The following ADD3 variants were observed in gnomAD, a reference collection of about 807,000 sequenced individuals.
ADD3 encodes adducin 3, also known as gamma-adducin.
ADD3 carries 25 observed loss-of-function variants against 80.2 expected under a neutral mutation model. That is an observed-to-expected ratio of 0.31 (90% confidence interval 0.23 to 0.44). The LOEUF (loss-of-function observed/expected upper bound fraction) is 0.44. Ranked by LOEUF, ADD3 falls within the 20% of genes least tolerant of loss-of-function variation. ADD3 has a pLI of 1.00. For missense variants in ADD3, 829 were observed against 847.5 expected (o/e 0.98, Z 0.27); for synonymous variants, 284 against 289.6 (o/e 0.98, Z 0.20).
intron 1 of ADD3, among the ~76,000 whole-genome samples, chr10:110,010,047 T>A (rs929800721): frequency 7.2e-5 from 11 of 152,230 alleles, no homozygotes; most frequent in African/African-American, 2.4e-4. Flanking sequence ...GTCTCACCCC[T>A]TTCTTCAATA....
intron 1 of ADD3, among the ~76,000 whole-genome samples, chr10:110,091,229 G>A (rs1847462433): frequency 6.6e-6 from 1 of 152,094 alleles, no homozygotes. Flanking sequence ...CTAATGGCTG[G>A]ATATATCTTT....
Position 110,105,818 on chromosome 10 carries a change from A to G in ADD3, c.195+4970A>G, listed in dbSNP as rs1272609735. Reference sequence around the variant, plus strand: ...TTAATTCAAATTGGTCAAAATCACCATGATCTGTGGTCAGTTGAGAAGTTT... The same window carrying G: ...TTAATTCAAATTGGTCAAAATCACCGTGATCTGTGGTCAGTTGAGAAGTTT... On this transcript the variant is annotated intron_variant, in intron 2 of 14. Transcript: ENST00000356080. Among the ~76,000 whole-genome samples, 9 of 152,340 alleles carry G rather than the reference A, an allele frequency of 5.9e-5. No individual in the cohort carries two copies. The Middle Eastern group carries it at 0.014, about 230-fold the overall frequency.
At position 110,133,598 on chromosome 10, in the gene ADD3, A is replaced by T. The variant is rs750105592; in HGVS notation, c.2101A>T (p.Lys701Ter). 3 of 1,588,716 alleles carry T rather than the reference A, an allele frequency of 1.9e-6. No homozygotes were observed. The highest frequency in any genetic ancestry group is 2.6e-6 in the Non-Finnish European group (3 of 1,171,624). The change falls in exon 15 of 15, where the codon AAG (lysine) becomes TAG (stop). Residue 701 changes from lysine to a stop codon, truncating the protein, a stop_gained. Transcript: ENST00000356080. LOFTEE classifies it high-confidence loss of function. ...TPSFLKKNKK[K>*]EKVEA ...TTCTTTTCTGAAAAAGAACAAAAAA[A>T]AGGAGAAAGTTGAGGCCTAAATAAA...
At chr10:110,045,459 G>C (rs1856815261) in intron 1 of ADD3, among the ~76,000 whole-genome samples, 1 of 152,168 alleles carries the variant, frequency 6.6e-6, no homozygotes, top group South Asian at 2.1e-4. Flanking sequence ...GCAAAGATCT[G>C]TATAAATTTT....
At chr10:110,066,212 T>C (rs1340120394) in intron 1 of ADD3, among the ~76,000 whole-genome samples, 1 of 152,128 alleles carries the variant, frequency 6.6e-6, no homozygotes, top group Non-Finnish European at 1.5e-5. Context: ...CCATTCAGCG[T>C]TCTGGAAAAG....
At chr10:110,108,147 C>G (rs1011303497) in intron 2 of ADD3, among the ~76,000 whole-genome samples, 8 of 152,118 alleles carry the variant, frequency 5.3e-5, no homozygotes, top group African/African-American at 1.7e-4. Flanking sequence ...AATCAAGTTT[C>G]TCATTATGCT....
At chr10:110,036,673 T>C (rs905946173) in intron 1 of ADD3, among the ~76,000 whole-genome samples, 5 of 152,006 alleles carry the variant, frequency 3.3e-5, no homozygotes, top group Admixed American at 1.3e-4. Context: ...CGCCCAGCCT[T>C]CTTTTTTTTT....
chr10:110,069,238 A>G (rs1417588693), intron 1 of ADD3, among the ~76,000 whole-genome samples: 1 of 152,216 alleles, frequency 6.6e-6, no homozygotes, highest in Non-Finnish European at 1.5e-5. Context: ...TCATGATTGT[A>G]TATGCTGTAA....
intron 2 of ADD3, among the ~76,000 whole-genome samples, chr10:110,111,286 T>TG (rs1849973815): frequency 6.6e-6 from 1 of 152,196 alleles, no homozygotes. Flanking sequence ...TAATCTCAAA[T>TG]GGAAGAGCAA....
upstream of ADD3, chr10:110,007,835 T>A (rs1851791202): frequency 7.3e-6 from 1 of 137,182 alleles, no homozygotes; most frequent in South Asian, 2.3e-4. Flanking sequence ...CCGGGAGGCT[T>A]CGGAGCCCAA....
Position 110,133,686 on chromosome 10 carries a change from G to A in ADD3, c.*68G>A. ...CACATCTAAATACCACATTTAAGTTGATCATTAATATGCAATGGTAGATCA... is the reference window on the plus strand; with the variant it reads ...CACATCTAAATACCACATTTAAGTTAATCATTAATATGCAATGGTAGATCA... On this transcript the variant is annotated 3_prime_UTR_variant, in exon 15 of 15. Coordinates refer to ENST00000356080, the MANE Select transcript of ADD3 (RefSeq NM_016824.5). The A allele has an allele frequency of 7.7e-7, 1 of 1,299,388 alleles. No individual in the cohort carries two copies. Among genetic ancestry groups the A allele is most frequent in the Non-Finnish European group, 1.0e-6 (1 of 967,810 alleles). The allele number at this position is 1,299,388 out of a possible 1,614,324, so 80.5% of individuals were successfully genotyped here. A position where few individuals can be genotyped will look rare whatever the true frequency, so the allele number is the denominator to read the frequency against.
intron 1 of ADD3, among the ~76,000 whole-genome samples, chr10:110,034,131 C>A (rs1048881935): frequency 1.3e-5 from 2 of 152,146 alleles, no homozygotes; most frequent in Non-Finnish European, 2.9e-5. Flanking sequence ...AGGGAAAACA[C>A]TGCCCTTAAG....
chr10:110,049,739 T>C (rs371668264), intron 1 of ADD3, among the ~76,000 whole-genome samples: 82 of 152,050 alleles, frequency 5.4e-4, no homozygotes, highest in African/African-American at 1.9e-3. Context: ...TACAAAAAAT[T>C]AGCTGGGCGT....
At chr10:110,040,614 C>T (rs1414951785) in intron 1 of ADD3, among the ~76,000 whole-genome samples, 1 of 151,980 alleles carries the variant, frequency 6.6e-6, no homozygotes, top group Non-Finnish European at 1.5e-5. Flanking sequence ...AAATAGGGAG[C>T]CAAAGAAGGA....
intron 1 of ADD3, among the ~76,000 whole-genome samples, chr10:110,024,474 C>G (rs1198047357): frequency 6.6e-6 from 1 of 152,200 alleles, no homozygotes; most frequent in African/African-American, 2.4e-5. Flanking sequence ...TTTGGCTCCT[C>G]TAGTAGCTTT....
intron 13 of ADD3, among the ~76,000 whole-genome samples, chr10:110,131,882 T>G (rs1665424212): frequency 6.6e-6 from 1 of 152,228 alleles, no homozygotes; most frequent in Non-Finnish European, 1.5e-5. Flanking sequence ...CTCAGTAACA[T>G]TGCTCTGACA....
At chr10:110,068,267 A>G (rs935424075) in intron 1 of ADD3, among the ~76,000 whole-genome samples, 3 of 152,002 alleles carry the variant, frequency 2.0e-5, no homozygotes, top group East Asian at 3.9e-4. Flanking sequence ...TTCAGAAGCA[A>G]TTGTCATGAG....
At chr10:110,128,049 A>ATT (rs71486096) in intron 12 of ADD3, among the ~76,000 whole-genome samples, 83 of 105,994 alleles carry the variant, frequency 7.8e-4, no homozygotes, top group African/African-American at 2.3e-3. Context: ...TTTGTTTAGG[A>ATT]TTTTTTTTTT....
At chr10:110,084,624 T>C (rs1343047955) in intron 1 of ADD3, among the ~76,000 whole-genome samples, 4 of 152,218 alleles carry the variant, frequency 2.6e-5, no homozygotes, top group Non-Finnish European at 5.9e-5. Context: ...CCTTTCTCCA[T>C]ATGAGAAATG....
Sources: allele counts gnomAD v4.1 joint callset (sites outside exome capture counted in the v4.1 genomes callset), GRCh38; gene constraint gnomAD v4.1.1; transcripts MANE v1.5; gene names NCBI Gene and HGNC (gene_info 2026-07-23, HGNC 2026-07-21).